TOR1AIP2: variants seen among roughly 807,000 people sequenced by gnomAD.
TOR1AIP2 encodes the protein torsin-1A-interacting protein 2.
Under a neutral mutation model 32.6 loss-of-function variants are expected in TOR1AIP2, and 20 were observed. The ratio of observed to expected loss-of-function variants is 0.61; its 90% CI spans 0.43 to 0.89. The LOEUF (loss-of-function observed/expected upper bound fraction) is 0.89, where lower values mean the gene tolerates loss of function less well. Among genes scored for constraint, TOR1AIP2 ranks in the 40% least tolerant of loss-of-function variants. The probability of loss-of-function intolerance (pLI) is 0.00; values close to 1 mark genes in which losing one functional copy is unlikely to be tolerated. For synonymous variants in TOR1AIP2, 214 were observed against 210.8 expected (o/e 1.02, Z -0.13); for missense variants, 456 against 553.8 (o/e 0.82, Z 1.77).
intron 3 of TOR1AIP2, chr1:179,859,736 A>G: frequency 1.0e-6 from 1 of 985,432 alleles, no homozygotes; most frequent in Non-Finnish European, 1.2e-6. Context: ...CAGGCCTTTT[A>G]ATCTTTACAC....
intron 3 of TOR1AIP2, chr1:179,863,418 C>T: frequency 2.0e-6 from 2 of 985,134 alleles, no homozygotes; most frequent in Non-Finnish European, 2.4e-6. Flanking sequence ...AAAACACTGA[C>T]TTGAAAGAAA....
intron 3 of TOR1AIP2, chr1:179,863,208 A>G: frequency 1.1e-6 from 1 of 939,328 alleles, no homozygotes; most frequent in African/African-American, 2.2e-5. Context: ...TGGGCGACAG[A>G]GTGAGACTCT....
intron 3 of TOR1AIP2, among the ~76,000 whole-genome samples, chr1:179,853,173 T>C (rs1455605194): frequency 6.6e-6 from 1 of 152,258 alleles, no homozygotes; most frequent in Admixed American, 6.5e-5. Context: ...ATTTCCTGGA[T>C]GTCTTCAATT....
chr1:179,864,231 C>T, intron 3 of TOR1AIP2: 1 of 985,382 alleles, frequency 1.0e-6, no homozygotes, highest in Non-Finnish European at 1.2e-6. Context: ...CAAACAGGGC[C>T]AATGATGAAT....
intron 2 of TOR1AIP2, among the ~76,000 whole-genome samples, chr1:179,867,069 T>C (rs909714390): frequency 3.9e-5 from 6 of 152,160 alleles, no homozygotes; most frequent in East Asian, 1.9e-4. Context: ...GCCTGAAAAA[T>C]AGAAGGAATT....
intron 3 of TOR1AIP2, among the ~76,000 whole-genome samples, chr1:179,857,655 T>G (rs1432968651): frequency 6.6e-6 from 1 of 152,184 alleles, no homozygotes; most frequent in Non-Finnish European, 1.5e-5. Context: ...CATAACCAAG[T>G]TTAGAAGATT....
chr1:179,871,282 G>A (rs1558029169), intron 2 of TOR1AIP2, among the ~76,000 whole-genome samples: 1 of 152,168 alleles, frequency 6.6e-6, no homozygotes, highest in African/African-American at 2.4e-5. Context: ...CAAATCAGGG[G>A]TTTTGTGTAT....
At chr1:179,852,029 C>T (rs1255242261) in intron 4 of TOR1AIP2, among the ~76,000 whole-genome samples, 1 of 152,100 alleles carries the variant, frequency 6.6e-6, no homozygotes, top group East Asian at 1.9e-4. Context: ...GCATGTAATC[C>T]CAGCACTTTG....
In TOR1AIP2 at chr1:179,870,077, GTCC is replaced by G. The variant is rs565602607; in HGVS notation, c.-565-4226_-565-4224del. ...AAAAATACAGGATAAACTTCCAGGAGTCCTGAATCCTCTGAAATTACATGTAAA... is the reference window on the plus strand; with the variant it reads ...AAAAATACAGGATAAACTTCCAGGAGTGAATCCTCTGAAATTACATGTAAA... On this transcript the variant is annotated intron_variant, in intron 2 of 6. Coordinates refer to ENST00000609928, the MANE Select transcript of TOR1AIP2 (RefSeq NM_001199260.2). Among the ~76,000 whole-genome samples, 792 of 152,246 alleles carry G rather than the reference GTCC, an allele frequency of 5.2e-3. 8 individuals carry two copies. The highest frequency in any genetic ancestry group is 0.02 in the South Asian group (98 of 4,826).
chr1:179,859,238 C>T, intron 3 of TOR1AIP2: 1 of 909,420 alleles, frequency 1.1e-6, no homozygotes, highest in Non-Finnish European at 1.3e-6. Context: ...AGGCATCATT[C>T]ACAGCACTTT....
At position 179,865,447 on chromosome 1, in the gene TOR1AIP2, A is replaced by T; in HGVS notation, c.-158T>A. On this transcript the variant is annotated 5_prime_UTR_variant, in exon 3 of 7. Transcript: ENST00000609928. ...TATCAGTCACTTACTAGCAGTACAG[A>T]TCTCAGGATAGCTCCTTCAAATCCC... The T allele has an allele frequency of 2.5e-6, 1 of 395,782 alleles. No homozygotes were observed. The highest frequency in any genetic ancestry group is 4.5e-6 in the Non-Finnish European group (1 of 222,784). 24.5% of individuals were successfully genotyped at this position (395,782 alleles called of 1,614,324 possible). A position where few individuals can be genotyped will look rare whatever the true frequency, so the allele number is the denominator to read the frequency against.
intron 3 of TOR1AIP2, chr1:179,861,523 T>A (rs1274210018): frequency 1.0e-6 from 1 of 984,766 alleles, no homozygotes; most frequent in East Asian, 1.1e-4. Flanking sequence ...TTTTGATTCA[T>A]TTTTCTTGCC....
rs145293483 is a variant in TOR1AIP2, at chr1:179,855,226, T to G, written c.-146-2415A>C. 2.9e-3 allele frequency among the ~76,000 whole-genome samples: 440 copies of G among 152,278 alleles called. 2 individuals are homozygous for G. The highest frequency in any genetic ancestry group is 0.01 in the African/African-American group (429 of 41,570). On this transcript the variant is annotated intron_variant, in intron 3 of 6. Transcript: ENST00000609928. ...CAATACACAAACCAGAAAGGAAAAT[T>G]TGACAAATGTGACCCTATTAAAAAA...
At chr1:179,864,442 G>T (rs937731681) in intron 3 of TOR1AIP2, 1 of 1,045,884 alleles carries the variant, frequency 9.6e-7, no homozygotes, top group African/African-American at 1.7e-5. Context: ...CACAGTATAG[G>T]ACTTCCCCTC....
chr1:179,861,866 GTTTTT>G (rs982352804), intron 3 of TOR1AIP2: 1 of 899,230 alleles, frequency 1.1e-6, no homozygotes, highest in African/African-American at 1.8e-5. Context: ...CTTTTATGTT[GTTTTT>G]TTTTCTTGAA....
Position 179,846,097 on chromosome 1 carries a change from T to C in TOR1AIP2, c.1387A>G (p.Ile463Val). Reference sequence around the variant, plus strand: ...TAGAAAAGGCACCCCTGTTCTTCTATGCTACTCACTGGCTGGACTGGCAGT... The same window carrying C: ...TAGAAAAGGCACCCCTGTTCTTCTACGCTACTCACTGGCTGGACTGGCAGT... ...LVLPVQPVSS[I>V]EEQGCLF The change falls in exon 7 of 7, where the codon ATA becomes GTA. Residue 463 changes from isoleucine to valine, a missense_variant. Ile to Val is a conservative substitution (Grantham distance 29). Transcript: ENST00000609928. 1 of 1,614,196 alleles carries C rather than the reference T, an allele frequency of 6.2e-7. No individual in the cohort carries two copies. Among genetic ancestry groups the C allele is most frequent in the Non-Finnish European group, 8.5e-7 (1 of 1,180,020 alleles).
At position 179,840,888 on chromosome 1, in the gene TOR1AIP2, C is replaced by CAA. The variant is rs1387809754; in HGVS notation, c.*5182_*5183insTT. 4.7e-4 allele frequency: 49 copies of CAA among 104,390 alleles called. No individual in the cohort carries two copies. Among genetic ancestry groups the CAA allele is most frequent in the African/African-American group, 3.3e-3 (47 of 14,406 alleles). 6.5% of individuals were successfully genotyped at this position (104,390 alleles called of 1,614,324 possible). On this transcript the variant is annotated 3_prime_UTR_variant, in exon 7 of 7. Coordinates refer to ENST00000609928, the MANE Select transcript of TOR1AIP2 (RefSeq NM_001199260.2). ...CTCCACATGTATCCCAGAACTTAAA[C>CAA]TATAATAATAATAATAATAATAATA...
At chr1:179,859,168 CAAAT>C in intron 3 of TOR1AIP2, 1 of 985,302 alleles carries the variant, frequency 1.0e-6, no homozygotes, top group Non-Finnish European at 1.2e-6. Context: ...AAACGAGTAA[CAAAT>C]AAAGCATATA....
chr1:179,860,810 G>A (rs1696496513), intron 3 of TOR1AIP2: 1 of 985,320 alleles, frequency 1.0e-6, no homozygotes, highest in African/African-American at 1.7e-5. Context: ...AAAATTCCAT[G>A]GAGACTCAGG....
Sources: gnomAD v4.1 joint callset for allele counts (sites outside exome capture counted in the v4.1 genomes callset) on GRCh38, gnomAD v4.1.1 for gene constraint, MANE v1.5 for transcripts, NCBI Gene and HGNC (gene_info 2026-07-23, HGNC 2026-07-21) for gene names.